PCDHGB1: variants seen among roughly 807,000 people sequenced by gnomAD.
PCDHGB1 encodes the protein protocadherin gamma subfamily B, 1.
A neutral mutation model predicts 56.6 loss-of-function variants in PCDHGB1; 34 were observed. The observed-to-expected ratio is 0.60, with a 90% CI of 0.46 to 0.80. The LOEUF is 0.80. Ranked by LOEUF, PCDHGB1 falls within the 30% of genes least tolerant of loss-of-function variation. PCDHGB1 has a pLI of 0.00. For missense variants in PCDHGB1, 1,278 were observed against 1,204.6 expected (o/e 1.06, Z -0.90); for synonymous variants, 561 against 505.9 (o/e 1.11, Z -1.46).
chr5:141,441,867 G>T, intron 1 of PCDHGB1: 1 of 345,800 alleles, frequency 2.9e-6, no homozygotes, highest in Non-Finnish European at 5.6e-6. Flanking sequence ...ACGCCGCGGA[G>T]CCTGGCTACC....
intron 1 of PCDHGB1, chr5:141,427,842 C>T: frequency 6.5e-7 from 1 of 1,549,268 alleles, no homozygotes. Flanking sequence ...TGCCTTCGAC[C>T]ACGAGCAGCT....
chr5:141,403,995 C>T, intron 1 of PCDHGB1: 1 of 1,613,762 alleles, frequency 6.2e-7, no homozygotes, highest in Non-Finnish European at 8.5e-7. Context: ...CCTGAAGTGA[C>T]CATTACATCT....
chr5:141,410,945 C>A, intron 1 of PCDHGB1: 1 of 192,458 alleles, frequency 5.2e-6, no homozygotes, highest in Non-Finnish European at 1.0e-5. Context: ...CCTCCGCCTT[C>A]TGGGTTCAAG....
intron 1 of PCDHGB1, chr5:141,387,603 C>G (rs905416609): frequency 1.8e-6 from 1 of 544,680 alleles, no homozygotes; most frequent in African/African-American, 1.9e-5. Context: ...GCAGCAGAGG[C>G]TGTAGTTTCC....
chr5:141,388,541 T>C, intron 1 of PCDHGB1: 1 of 1,613,800 alleles, frequency 6.2e-7, no homozygotes, highest in Non-Finnish European at 8.5e-7. Flanking sequence ...ACTTTGGAGC[T>C]CCACCCCTAA....
At chr5:141,361,450 A>T in intron 1 of PCDHGB1, 1 of 1,613,960 alleles carries the variant, frequency 6.2e-7, no homozygotes, top group East Asian at 2.2e-5. Flanking sequence ...CATAATTGTC[A>T]CCCTGCACAT....
chr5:141,470,650 T>C (rs2099235744), intron 1 of PCDHGB1, among the ~76,000 whole-genome samples: 1 of 152,184 alleles, frequency 6.6e-6, no homozygotes, highest in Non-Finnish European at 1.5e-5. Context: ...TGAAGGCCCC[T>C]ACCCTTTGGT....
At position 141,491,410 on chromosome 5, in the gene PCDHGB1, G is replaced by A. The variant is rs777207581; in HGVS notation, c.2410-3397G>A. The A allele has an allele frequency of 1.9e-6, 3 of 1,614,024 alleles. No homozygotes were observed. Among genetic ancestry groups the A allele is most frequent in the Admixed American group, 1.7e-5 (1 of 60,006 alleles). ...GTGCCTTCAGGGAAACGCAGACGGGGACGGGGGTGGAGGGCAGTGCTGCAG... is the reference window on the plus strand; with the variant it reads ...GTGCCTTCAGGGAAACGCAGACGGGAACGGGGGTGGAGGGCAGTGCTGCAG... On this transcript the variant is annotated intron_variant, in intron 1 of 3. Transcript: ENST00000523390. The surrounding 1 kb of genome is among the most constrained non-coding windows in gnomAD (Gnocchi z 6.9).
intron 2 of PCDHGB1, among the ~76,000 whole-genome samples, chr5:141,500,324 T>G (rs1165047676): frequency 6.6e-6 from 1 of 151,994 alleles, no homozygotes; most frequent in African/African-American, 2.4e-5. Flanking sequence ...TGCTCCTGCC[T>G]CAGCCTCCAG....
At chr5:141,435,875 T>C (rs1324511823) in intron 1 of PCDHGB1, among the ~76,000 whole-genome samples, 1 of 152,100 alleles carries the variant, frequency 6.6e-6, no homozygotes, top group African/African-American at 2.4e-5. Flanking sequence ...AGAAAAGAGA[T>C]TGGAAACCCC....
chr5:141,350,134 G>T lies in PCDHGB1; in HGVS notation c.-127G>T. The T allele has an allele frequency of 1.3e-6, 1 of 741,332 alleles. No individual in the cohort carries two copies. Among genetic ancestry groups the T allele is most frequent in the Non-Finnish European group, 2.0e-6 (1 of 503,318 alleles). 45.9% of individuals were successfully genotyped at this position (741,332 alleles called of 1,614,324 possible). A position where few individuals can be genotyped will look rare whatever the true frequency, so the allele number is the denominator to read the frequency against. On this transcript the variant is annotated 5_prime_UTR_variant, in exon 1 of 4. Coordinates refer to ENST00000523390, the MANE Select transcript of PCDHGB1 (RefSeq NM_018922.3). ...TTTGTCCGGTGCACTGAGCACAGACGCTGCTCCTGTTCACCCTCGAGCGCC... is the reference window on the plus strand; with the variant it reads ...TTTGTCCGGTGCACTGAGCACAGACTCTGCTCCTGTTCACCCTCGAGCGCC...
chr5:141,451,740 G>A (rs370710201), intron 1 of PCDHGB1, among the ~76,000 whole-genome samples: 1 of 152,108 alleles, frequency 6.6e-6, no homozygotes, highest in Non-Finnish European at 1.5e-5. Context: ...AAATTAGCTG[G>A]TCTGGTGGTG....
At position 141,511,005 on chromosome 5, in the gene PCDHGB1, C is replaced by T; in HGVS notation, c.2616C>T (p.Ala872=). ...GGGAGTMGLS[A]RYGPQFTLQH... The stretch of plus-strand genomic sequence containing the variant: ...GTGCCGGCACCATGGGATTGAGCGC[C>T]CGCTACGGACCCCAGTTCACCCTGC... Residue 872 remains alanine, a synonymous_variant, in exon 4 of 4, where the codon GCC becomes GCT. Coordinates refer to ENST00000523390, the MANE Select transcript of PCDHGB1 (RefSeq NM_018922.3). The T allele has an allele frequency of 6.2e-7, 1 of 1,614,176 alleles. No individual in the cohort carries two copies.
chr5:141,358,546 G>T (rs1278401378), intron 1 of PCDHGB1, among the ~76,000 whole-genome samples: 1 of 152,144 alleles, frequency 6.6e-6, no homozygotes, highest in East Asian at 1.9e-4. Flanking sequence ...TCTTGTTGCT[G>T]TTCTGAGATG....
chr5:141,421,357 T>A lies in PCDHGB1; in HGVS notation c.2409+68688T>A, dbSNP rs761522510. ...GGTGCCAGAAGAGACCGAAAAGGGC[T>A]CCTTCGTGGGCAATATCTCCAAGGA... On this transcript the variant is annotated intron_variant, in intron 1 of 3. Coordinates refer to ENST00000523390, the MANE Select transcript of PCDHGB1 (RefSeq NM_018922.3). 4.3e-6 allele frequency: 7 copies of A among 1,613,976 alleles called. 1 individual carries two copies. The South Asian group carries it at 7.7e-5, about 18-fold the overall frequency.
intron 1 of PCDHGB1, chr5:141,430,780 C>G: frequency 6.6e-7 from 1 of 1,511,476 alleles, no homozygotes; most frequent in Non-Finnish European, 8.8e-7. Context: ...CGCGACTGCA[C>G]CGGGACTACA....
Position 141,421,056 on chromosome 5 carries a change from A to G in PCDHGB1, c.2409+68387A>G, listed in dbSNP as rs1378326708. On this transcript the variant is annotated intron_variant, in intron 1 of 3. Coordinates refer to ENST00000523390, the MANE Select transcript of PCDHGB1 (RefSeq NM_018922.3). ...TCCCTCCCTCCCCCGCCTCTACCACACAAAGCGGAATGAGATGGATACTCA... is the reference window on the plus strand; with the variant it reads ...TCCCTCCCTCCCCCGCCTCTACCACGCAAAGCGGAATGAGATGGATACTCA... 5 of 576,490 alleles carry G rather than the reference A, an allele frequency of 8.7e-6. No individual in the cohort carries two copies. In the East Asian group the frequency reaches 9.2e-5, roughly 11 times the overall value. The allele number at this position is 576,490 out of a possible 1,614,324, so 35.7% of individuals were successfully genotyped here. A position where few individuals can be genotyped will look rare whatever the true frequency, so the allele number is the denominator to read the frequency against.
chr5:141,492,492 G>A (rs896538392), intron 1 of PCDHGB1, among the ~76,000 whole-genome samples: 2 of 152,206 alleles, frequency 1.3e-5, no homozygotes, highest in African/African-American at 2.4e-5. Context: ...AGGACCAGGC[G>A]AGGACTCCGG....
intron 1 of PCDHGB1, chr5:141,389,454 C>T (rs544789937): frequency 6.2e-7 from 1 of 1,612,960 alleles, no homozygotes; most frequent in African/African-American, 1.3e-5. Context: ...CGAGCAGCTG[C>T]GCGCCTTCGA....
Sources: allele counts gnomAD v4.1 joint callset (sites outside exome capture counted in the v4.1 genomes callset), GRCh38; gene constraint gnomAD v4.1.1; non-coding constraint Gnocchi (gnomAD v3.1); transcripts MANE v1.5; gene names NCBI Gene and HGNC (gene_info 2026-07-23, HGNC 2026-07-21).